TFEC: variants seen among roughly 807,000 people sequenced by gnomAD.
The protein encoded by TFEC is transcription factor EC, also known as class E basic helix-loop-helix protein 34.
In TFEC, 31 loss-of-function variants were observed where a neutral mutation model predicts 41.6. That is an observed-to-expected ratio of 0.74 (90% CI 0.56 to 1.01). The LOEUF (loss-of-function observed/expected upper bound fraction) is 1.01, where lower values mean the gene tolerates loss of function less well. Ranked by LOEUF, TFEC falls within the 50% of genes least tolerant of loss-of-function variation. The pLI, the probability that TFEC is intolerant of heterozygous loss-of-function variation, is 0.00. For missense variants in TFEC, 402 were observed against 404.1 expected (o/e 0.99, Z 0.04); for synonymous variants, 143 against 140.6 (o/e 1.02, Z -0.12).
At chr7:116,130,161 A>G (rs1283677232) in intron 1 of TFEC, among the ~76,000 whole-genome samples, 1 of 151,808 alleles carries the variant, frequency 6.6e-6, no homozygotes, top group Non-Finnish European at 1.5e-5. Flanking sequence ...TGATTAACCA[A>G]TTGTGGGGTG....
At chr7:115,982,206 A>AG (rs1388942517) in intron 2 of TFEC, among the ~76,000 whole-genome samples, 1 of 151,262 alleles carries the variant, frequency 6.6e-6, no homozygotes, top group African/African-American at 2.4e-5. Context: ...AAGGCTTGGG[A>AG]GAAAAAAAAA....
At chr7:116,033,204 C>T (rs1374739136), upstream of TFEC, among the ~76,000 whole-genome samples, 3 of 151,940 alleles carry the variant, frequency 2.0e-5, no homozygotes, top group Admixed American at 6.6e-5. Context: ...AAGTTCTGGC[C>T]ATTCTATGCC....
rs554981876 is a variant in TFEC at position 115,995,359 on chromosome 7, T to C, written c.-72-10846A>G. Among the ~76,000 whole-genome samples, 4 of 151,698 alleles carry C rather than the reference T, an allele frequency of 2.6e-5. No individual in the cohort carries two copies. In the East Asian group the frequency reaches 7.8e-4, roughly 29 times the overall value. On this transcript the variant is annotated intron_variant, in intron 1 of 7. Coordinates refer to ENST00000265440, the MANE Select transcript of TFEC (RefSeq NM_012252.4). ...TAAAGTATATTAAAAAAAACAAAAA[T>C]AAAATAATAAGGCATTTGACTATGT...
chr7:116,044,188 A>T (rs1796106567), intron 3 of TFEC, among the ~76,000 whole-genome samples: 1 of 152,194 alleles, frequency 6.6e-6, no homozygotes, highest in Non-Finnish European at 1.5e-5. Context: ...TGCCCTAAGA[A>T]AGGCAGGAGT....
chr7:116,076,141 C>T (rs1412110860), intron 3 of TFEC, among the ~76,000 whole-genome samples: 1 of 152,180 alleles, frequency 6.6e-6, no homozygotes, highest in African/African-American at 2.4e-5. Flanking sequence ...AGCCCAGTAG[C>T]TCCACTGGGT....
intron 1 of TFEC, among the ~76,000 whole-genome samples, chr7:116,028,927 C>T (rs1795685654): frequency 6.8e-6 from 1 of 146,246 alleles, no homozygotes; most frequent in Admixed American, 6.9e-5. Context: ...TTTACTTCCA[C>T]TATATAAGTT....
chr7:116,071,980 G>A (rs747226427), intron 3 of TFEC, among the ~76,000 whole-genome samples: 2 of 151,454 alleles, frequency 1.3e-5, no homozygotes, highest in Non-Finnish European at 3.0e-5. Flanking sequence ...CTTAATTAAA[G>A]TACAGCTATT....
chr7:116,087,968 C>G (rs763880707), intron 3 of TFEC, among the ~76,000 whole-genome samples: 6 of 152,082 alleles, frequency 3.9e-5, no homozygotes, highest in Non-Finnish European at 7.4e-5. Flanking sequence ...ATATAACAAT[C>G]TTTCAGAAAA....
chr7:116,059,943 T>C (rs1325826949), intron 3 of TFEC, among the ~76,000 whole-genome samples: 1 of 152,106 alleles, frequency 6.6e-6, no homozygotes, highest in African/African-American at 2.4e-5. Context: ...ATTTCTATTG[T>C]ACTAAAGTTT....
intron 6 of TFEC, among the ~76,000 whole-genome samples, chr7:115,943,116 C>G (rs1046843034): frequency 6.6e-6 from 1 of 152,144 alleles, no homozygotes; most frequent in South Asian, 2.1e-4. Context: ...GATAAGAGCT[C>G]TGTTCTACTG....
At chr7:116,141,313 T>C (rs887848989) in intron 1 of TFEC, among the ~76,000 whole-genome samples, 1 of 151,992 alleles carries the variant, frequency 6.6e-6, no homozygotes, top group Non-Finnish European at 1.5e-5. Context: ...GATGTTAATG[T>C]CATAAATAAT....
intron 1 of TFEC, among the ~76,000 whole-genome samples, chr7:115,987,885 T>A (rs1448782927): frequency 1.3e-5 from 2 of 152,104 alleles, no homozygotes; most frequent in Non-Finnish European, 2.9e-5. Flanking sequence ...AATCAGGATA[T>A]CAAAGTATTT....
At chr7:116,070,555 C>A (rs1796803221) in intron 3 of TFEC, among the ~76,000 whole-genome samples, 1 of 151,250 alleles carries the variant, frequency 6.6e-6, no homozygotes, top group African/African-American at 2.4e-5. Context: ...ATGAGATAAA[C>A]CGGAAGAATA....
intron 3 of TFEC, among the ~76,000 whole-genome samples, chr7:116,052,697 G>C (rs1047107309): frequency 6.6e-6 from 1 of 151,644 alleles, no homozygotes; most frequent in Non-Finnish European, 1.5e-5. Flanking sequence ...AAAGTGCTGG[G>C]ATTACAGGCA....
At chr7:116,061,635 C>G (rs1285190383) in intron 3 of TFEC, among the ~76,000 whole-genome samples, 2 of 151,796 alleles carry the variant, frequency 1.3e-5, no homozygotes, top group African/African-American at 4.8e-5. Context: ...ACCTGCTCAT[C>G]AAAATACACT....
intron 3 of TFEC, among the ~76,000 whole-genome samples, chr7:115,967,416 A>G (rs916759311): frequency 6.6e-6 from 1 of 151,812 alleles, no homozygotes; most frequent in Non-Finnish European, 1.5e-5. Context: ...GGATCACTGT[A>G]GGAGAGCCTA....
At chr7:116,011,240 T>G (rs116828645) in intron 1 of TFEC, among the ~76,000 whole-genome samples, 139 of 152,310 alleles carry the variant, frequency 9.1e-4, no homozygotes, top group African/African-American at 3.2e-3. Context: ...AAAACACATC[T>G]AACCCTAGGA....
At chr7:116,078,646 G>A (rs1253868873) in intron 3 of TFEC, among the ~76,000 whole-genome samples, 1 of 151,880 alleles carries the variant, frequency 6.6e-6, no homozygotes, top group African/African-American at 2.4e-5. Flanking sequence ...AGATATAGAA[G>A]CTCTGAACAG....
At chr7:116,024,314 T>A (rs1241920581) in intron 1 of TFEC, among the ~76,000 whole-genome samples, 1 of 152,116 alleles carries the variant, frequency 6.6e-6, no homozygotes, top group East Asian at 1.9e-4. Context: ...TTGTTCAAAA[T>A]GAATGAAAGA....
Sources: gnomAD v4.1 joint callset for allele counts (sites outside exome capture counted in the v4.1 genomes callset) on GRCh38, gnomAD v4.1.1 for gene constraint, MANE v1.5 for transcripts, NCBI Gene and HGNC (gene_info 2026-07-23, HGNC 2026-07-21) for gene names.